The following RASA2 variants were observed in gnomAD, a reference collection of about 807,000 sequenced individuals.
RASA2 encodes RAS p21 protein activator 2.
RASA2 carries 155 observed loss-of-function variants against 118.2 expected under a neutral mutation model. The ratio of observed to expected loss-of-function variants is 1.31; its 90% CI spans 1.15 to 1.50. RASA2 has a LOEUF of 1.50. Ranked by LOEUF, RASA2 falls within the 40% of genes most tolerant of loss-of-function variation. The pLI, the probability that RASA2 is intolerant of heterozygous loss-of-function variation, is 0.00. For synonymous variants in RASA2, 353 were observed against 349.1 expected, an observed-to-expected ratio of 1.01 and a Z score of -0.12; for missense variants, 1,016 against 1,009.6, an observed-to-expected ratio of 1.01 and a Z score of -0.09.
chr3:141,580,164 G>A lies in RASA2; in HGVS notation c.1591-204G>A, dbSNP rs570877230. Among the ~76,000 whole-genome samples the A allele has an allele frequency of 7.5e-5, 10 of 133,886 alleles. No homozygotes were observed. The South Asian group carries it at 2.4e-3, about 32-fold the overall frequency. 87.8% of individuals were successfully genotyped at this position (133,886 alleles called of 152,430 possible). A position where few individuals can be genotyped will look rare whatever the true frequency, so the allele number is the denominator to read the frequency against. ...TTTAATAATTACTTTGGGAAGAATTGTTAATTATATATGGTTTCTTTAGTC... is the reference window on the plus strand; with the variant it reads ...TTTAATAATTACTTTGGGAAGAATTATTAATTATATATGGTTTCTTTAGTC... On this transcript the variant is annotated intron_variant, in intron 15 of 23. Coordinates refer to ENST00000286364, the MANE Select transcript of RASA2 (RefSeq NM_006506.5).
At chr3:141,580,520 C>A in intron 16 of RASA2, 69 bp downstream of exon 16, 2 of 1,167,080 alleles carry the variant, frequency 1.7e-6, no homozygotes. Flanking sequence ...ATCCCTTATC[C>A]TTGACTTACC....
At chr3:141,510,577 G>A (rs1425974014) in intron 1 of RASA2, among the ~76,000 whole-genome samples, 1 of 152,170 alleles carries the variant, frequency 6.6e-6, no homozygotes, top group Non-Finnish European at 1.5e-5. Context: ...GAAACAAAAT[G>A]GAGAAATAGA....
intron 17 of RASA2, among the ~76,000 whole-genome samples, chr3:141,584,888 A>G (rs2083175161): frequency 6.6e-6 from 1 of 152,084 alleles, no homozygotes; most frequent in African/African-American, 2.4e-5. Context: ...CTCTCCATAT[A>G]TATTTTTTTT....
At chr3:141,514,677 C>A (rs979576133) in intron 2 of RASA2, among the ~76,000 whole-genome samples, 6 of 152,278 alleles carry the variant, frequency 3.9e-5, no homozygotes, top group South Asian at 2.1e-4. Flanking sequence ...TCAGCAGTTG[C>A]ATTCTCAGTA....
chr3:141,580,463 C>G lies in RASA2; in HGVS notation c.1674+12C>G. On this transcript the variant is annotated intron_variant, in intron 16 of 23. Transcript: ENST00000286364. ...TGTCCAAAAGCAAGGTAAGTCCTTA[C>G]ATCTTTTATTTTGTTTTTACACTTC... 8 of 1,566,716 alleles carry G rather than the reference C, an allele frequency of 5.1e-6. No homozygotes were observed. The highest frequency in any genetic ancestry group is 1.4e-5 in the African/African-American group (1 of 73,490).
At chr3:141,514,055 A>G (rs1023739982) in intron 2 of RASA2, among the ~76,000 whole-genome samples, 9 of 152,214 alleles carry the variant, frequency 5.9e-5, no homozygotes, top group African/African-American at 1.7e-4. Context: ...ATTATAAAAG[A>G]TGAAAATTGG....
chr3:141,517,693 G>A lies in RASA2; in HGVS notation c.355+1262G>A, dbSNP rs755767824. 5.3e-5 allele frequency among the ~76,000 whole-genome samples: 8 copies of A among 151,894 alleles called. 1 individual carries two copies. Among genetic ancestry groups the A allele is most frequent in the South Asian group, 4.2e-4 (2 of 4,800 alleles). On this transcript the variant is annotated intron_variant, in intron 3 of 23. Coordinates refer to ENST00000286364, the MANE Select transcript of RASA2 (RefSeq NM_006506.5). Reference sequence around the variant, plus strand: ...TTTTGAGACGGAGTGTCACTCTGTCGCCCAGGCTGGAGTTCAGTGGCGCGA... The same window carrying A: ...TTTTGAGACGGAGTGTCACTCTGTCACCCAGGCTGGAGTTCAGTGGCGCGA...
At chr3:141,503,177 T>A (rs942128612) in intron 1 of RASA2, among the ~76,000 whole-genome samples, 1 of 152,224 alleles carries the variant, frequency 6.6e-6, no homozygotes, top group Non-Finnish European at 1.5e-5. Context: ...CTTATCCCTG[T>A]AGTGTCCTCC....
chr3:141,537,677 G>A (rs1487725840), intron 4 of RASA2, among the ~76,000 whole-genome samples: 4 of 152,262 alleles, frequency 2.6e-5, no homozygotes, highest in African/African-American at 9.6e-5. Context: ...GCTGAGGCAG[G>A]AGAATCGCTT....
chr3:141,513,225 ATCTT>A, intron 2 of RASA2, among the ~76,000 whole-genome samples: 1 of 151,134 alleles, frequency 6.6e-6, no homozygotes, highest in South Asian at 2.1e-4. Flanking sequence ...TTAAAAAAAT[ATCTT>A]TCTTTTACAT....
Position 141,553,850 on chromosome 3 carries a change from A to C in RASA2, c.528-7A>C. ...TAATATGTTAAATCTCTTTTATTCT[A>C]CCTTAGCATCAAGGCATGCCATGGG... On this transcript the variant is annotated splice_polypyrimidine_tract_variant and splice_region_variant and intron_variant, in intron 5 of 23. Transcript: ENST00000286364. The C allele has an allele frequency of 6.2e-7, 1 of 1,608,378 alleles. No homozygotes were observed.
chr3:141,499,936 C>T (rs2081754763), intron 1 of RASA2, among the ~76,000 whole-genome samples: 1 of 152,094 alleles, frequency 6.6e-6, no homozygotes. Flanking sequence ...ATTATAGACT[C>T]TTGGATTATT....
At position 141,580,465 on chromosome 3, in the gene RASA2, T is replaced by C. The variant is rs2083094216; in HGVS notation, c.1674+14T>C. The stretch of plus-strand genomic sequence containing the variant: ...TCCAAAAGCAAGGTAAGTCCTTACA[T>C]CTTTTATTTTGTTTTTACACTTCTA... On this transcript the variant is annotated intron_variant, in intron 16 of 23. Coordinates refer to ENST00000286364, the MANE Select transcript of RASA2 (RefSeq NM_006506.5). The C allele has an allele frequency of 6.4e-7, 1 of 1,561,222 alleles. No individual in the cohort carries two copies. Among genetic ancestry groups the C allele is most frequent in the East Asian group, 2.3e-5 (1 of 44,436 alleles).
At chr3:141,520,233 G>A (rs2082091582) in intron 3 of RASA2, among the ~76,000 whole-genome samples, 2 of 151,840 alleles carry the variant, frequency 1.3e-5, no homozygotes, top group South Asian at 4.2e-4. Flanking sequence ...GGCTGGTCTC[G>A]AACTCCTGAC....
chr3:141,497,469 T>C (rs1296374083), intron 1 of RASA2, among the ~76,000 whole-genome samples: 2 of 152,170 alleles, frequency 1.3e-5, no homozygotes, highest in African/African-American at 2.4e-5. Context: ...TCTCTGTTGC[T>C]CTACTTTGGA....
intron 1 of RASA2, among the ~76,000 whole-genome samples, chr3:141,501,444 T>A (rs1374384005): frequency 6.6e-6 from 1 of 152,236 alleles, no homozygotes; most frequent in East Asian, 1.9e-4. Flanking sequence ...ATTTACTCTG[T>A]CTTAGGCATT....
At chr3:141,595,428 CAGTA>C (rs1358589711) in intron 19 of RASA2, among the ~76,000 whole-genome samples, 1 of 152,102 alleles carries the variant, frequency 6.6e-6, no homozygotes, top group Admixed American at 6.5e-5. Flanking sequence ...ATGATGTAAA[CAGTA>C]AGCAGTAATC....
chr3:141,525,963 G>A (rs1448005975), intron 3 of RASA2: 7 of 152,150 alleles, frequency 4.6e-5, no homozygotes, highest in Non-Finnish European at 1.5e-5. Flanking sequence ...TAGAGTTTGA[G>A]TAATTCACCC....
chr3:141,562,949 G>A lies in RASA2; in HGVS notation c.863+2954G>A, dbSNP rs577245424. On this transcript the variant is annotated intron_variant, in intron 9 of 23. Transcript: ENST00000286364. ...GCCTCCCAAAGTGCTGGGATTACAG[G>A]CGTGAGCCACCGCACCTGGCCCACG... Among the ~76,000 whole-genome samples the A allele has an allele frequency of 7.7e-4, 117 of 152,308 alleles. 1 individual carries two copies. Among genetic ancestry groups the A allele is most frequent in the African/African-American group, 2.6e-3 (109 of 41,584 alleles).
Sources: allele counts gnomAD v4.1 joint callset (sites outside exome capture counted in the v4.1 genomes callset), GRCh38; gene constraint gnomAD v4.1.1; transcripts MANE v1.5; gene names NCBI Gene and HGNC (gene_info 2026-07-23, HGNC 2026-07-21).